Variants in LINC02747 observed in about 807,000 individuals in gnomAD.
LINC02747 encodes CCND1-upstream intergenic DNA repair 2.
chr11:69,480,513 G>A (rs756249980), intron 1 of LINC02747, among the ~76,000 whole-genome samples: 34 of 152,226 alleles, frequency 2.2e-4, no homozygotes, highest in Non-Finnish European at 4.6e-4. Flanking sequence ...TCTTCTCTGA[G>A]TCTTGGGAAA....
chr11:69,479,276 A>AAAAAG (rs1555045071), intron 1 of LINC02747, among the ~76,000 whole-genome samples: 1 of 147,300 alleles, frequency 6.8e-6, no homozygotes, highest in Non-Finnish European at 1.5e-5. Context: ...AAAAAAAAAA[A>AAAAAG]AGAGAGAGAG....
chr11:69,478,885 CAGATGGCA>C (rs971920241), intron 1 of LINC02747, among the ~76,000 whole-genome samples: 14 of 150,682 alleles, frequency 9.3e-5, no homozygotes, highest in Non-Finnish European at 1.3e-4. Flanking sequence ...AACCAGCAAT[CAGATGGCA>C]AGATATCATA....
chr11:69,479,151 A>C lies in LINC02747; in HGVS notation n.121-1538T>G, dbSNP rs139749296. ...GCACCTGCAATCCCAGCTACTCGGG[A>C]GGCTGAGGCAGGAGAATCCCTTGAA... On this transcript the variant is annotated intron_variant and non_coding_transcript_variant, in intron 1 of 1. Coordinates refer to ENST00000645449, the Ensembl canonical transcript of LINC02747. Among the ~76,000 whole-genome samples the C allele has an allele frequency of 2.9e-4, 42 of 145,556 alleles. No homozygotes were observed. The East Asian group carries it at 8.8e-3, about 31-fold the overall frequency.
At chr11:69,475,739 C>T (rs1356620386) in exon 2 of LINC02747, 1 of 152,208 alleles carries the variant, frequency 6.6e-6, no homozygotes, top group South Asian at 2.1e-4. Context: ...AGAGCAGAGA[C>T]AGAGCCGGTT....
At chr11:69,478,250 T>C (rs982478115) in intron 1 of LINC02747, among the ~76,000 whole-genome samples, 1 of 151,282 alleles carries the variant, frequency 6.6e-6, no homozygotes, top group African/African-American at 2.4e-5. Flanking sequence ...AAGACAGGAG[T>C]AGGGAACAGC....
chr11:69,478,409 A>T (rs529270210), intron 1 of LINC02747, among the ~76,000 whole-genome samples: 1 of 152,212 alleles, frequency 6.6e-6, no homozygotes, highest in African/African-American at 2.4e-5. Context: ...AGCCTCTGCA[A>T]GTCCCTGGGG....
chr11:69,479,789 C>T (rs1195303779), intron 1 of LINC02747: 2 of 152,418 alleles, frequency 1.3e-5, no homozygotes, highest in African/African-American at 4.8e-5. Context: ...GGCAGGTGCA[C>T]ATCTTCCTAG....
chr11:69,481,193 G>T (rs1381361829), intron 1 of LINC02747, among the ~76,000 whole-genome samples: 3 of 152,198 alleles, frequency 2.0e-5, no homozygotes, highest in East Asian at 1.9e-4. Flanking sequence ...GCACCAGGAG[G>T]CTGTGCCACT....
chr11:69,480,704 C>T (rs1373509768), intron 1 of LINC02747, among the ~76,000 whole-genome samples: 2 of 152,226 alleles, frequency 1.3e-5, no homozygotes, highest in Admixed American at 6.5e-5. Flanking sequence ...GTGTTCAGGT[C>T]ACCACAGTGA....
At chr11:69,475,611 TAAATCGC>T (rs929320224) in exon 2 of LINC02747, 3 of 152,220 alleles carry the variant, frequency 2.0e-5, no homozygotes, top group Non-Finnish European at 2.9e-5. Context: ...CTGTGCGGTT[TAAATCGC>T]AAACATTTAT....
chr11:69,478,098 C>G (rs116076520), intron 1 of LINC02747, among the ~76,000 whole-genome samples: 1 of 152,138 alleles, frequency 6.6e-6, no homozygotes, highest in Non-Finnish European at 1.5e-5. Flanking sequence ...AAATGAATAA[C>G]AAAATGGCTG....
chr11:69,477,298 C>A (rs542578746), exon 2 of LINC02747: 2 of 152,384 alleles, frequency 1.3e-5, no homozygotes, highest in East Asian at 3.9e-4. Context: ...AGATACATCG[C>A]ATGCACACGT....
At chr11:69,481,122 TC>T (rs1462826239) in intron 1 of LINC02747, among the ~76,000 whole-genome samples, 1 of 152,180 alleles carries the variant, frequency 6.6e-6, no homozygotes, top group East Asian at 1.9e-4. Flanking sequence ...CTTCCCTCCT[TC>T]CGTCAGAGCA....
At chr11:69,476,528 C>T (rs1210025239) in exon 2 of LINC02747, 1 of 152,066 alleles carries the variant, frequency 6.6e-6, no homozygotes, top group East Asian at 1.9e-4. Flanking sequence ...TGGCTGTGAC[C>T]CCTTCTTCAC....
At chr11:69,478,668 T>TA (rs767800854) in intron 1 of LINC02747, among the ~76,000 whole-genome samples, 26 of 151,888 alleles carry the variant, frequency 1.7e-4, no homozygotes, top group African/African-American at 6.3e-4. Context: ...AACATGTTTC[T>TA]ACCAAAAAAC....
chr11:69,479,854 C>A (rs926880274), intron 1 of LINC02747: 1 of 152,426 alleles, frequency 6.6e-6, no homozygotes, highest in Non-Finnish European at 1.5e-5. Context: ...GCTGGAGAGA[C>A]CCCACCTTCC....
At chr11:69,478,501 C>T (rs766695405) in intron 1 of LINC02747, among the ~76,000 whole-genome samples, 1 of 152,186 alleles carries the variant, frequency 6.6e-6, no homozygotes, top group Non-Finnish European at 1.5e-5. Context: ...CGTCTTCTCT[C>T]CCCAGATGGA....
At chr11:69,477,956 G>A (rs911351949) in intron 1 of LINC02747, among the ~76,000 whole-genome samples, 3 of 152,204 alleles carry the variant, frequency 2.0e-5, no homozygotes, top group African/African-American at 7.2e-5. Context: ...CGTGGCCCCT[G>A]TGGTGGGGAT....
intron 1 of LINC02747, among the ~76,000 whole-genome samples, chr11:69,480,278 T>C (rs917004674): frequency 3.9e-5 from 6 of 152,142 alleles, no homozygotes; most frequent in African/African-American, 1.2e-4. Flanking sequence ...CTAGGGCCCT[T>C]CTGCAGGCCT....
Sources: gnomAD v4.1 joint callset for allele counts (sites outside exome capture counted in the v4.1 genomes callset) on GRCh38, gnomAD v4.1.1 for gene constraint, MANE v1.5 for transcripts, NCBI Gene and HGNC (gene_info 2026-07-23, HGNC 2026-07-21) for gene names.